Variants in SORCS2 observed in about 807,000 individuals in gnomAD.
The protein encoded by SORCS2 is VPS10 domain-containing receptor SorCS2.
Under a neutral mutation model 141.6 loss-of-function variants are expected in SORCS2, and 100 were observed. The ratio of observed to expected loss-of-function variants is 0.71; its 90% CI spans 0.60 to 0.83. The LOEUF (loss-of-function observed/expected upper bound fraction) is 0.83. SORCS2 is among the 40% of genes least tolerant of loss of function. SORCS2 has a pLI of 0.00. For synonymous variants in SORCS2, 789 were observed against 676.9 expected (o/e 1.17, Z -2.57); for missense variants, 1,646 against 1,560.2 (o/e 1.05, Z -0.93).
chr4:7,684,240 C>T (rs1418605384), intron 10 of SORCS2, among the ~76,000 whole-genome samples: 1 of 152,200 alleles, frequency 6.6e-6, no homozygotes, highest in African/African-American at 2.4e-5. Context: ...TTGGCTACAT[C>T]AACCAGTGCC....
intron 1 of SORCS2, among the ~76,000 whole-genome samples, chr4:7,371,996 A>G (rs914777342): frequency 3.9e-5 from 6 of 152,182 alleles, no homozygotes; most frequent in Admixed American, 6.5e-5. Flanking sequence ...GCAGCTGGGC[A>G]GAGTGGAGAG....
intron 1 of SORCS2, among the ~76,000 whole-genome samples, chr4:7,372,849 C>T (rs1380280285): frequency 2.0e-5 from 3 of 152,070 alleles, no homozygotes; most frequent in Non-Finnish European, 4.4e-5. Flanking sequence ...TGGCTGCTTT[C>T]ACTCCCGCAG....
intron 3 of SORCS2, among the ~76,000 whole-genome samples, chr4:7,552,415 C>G (rs762086535): frequency 7.2e-5 from 11 of 152,134 alleles, no homozygotes; most frequent in Non-Finnish European, 1.3e-4. Flanking sequence ...GGAGGGCTGC[C>G]CACACAGAGG....
intron 8 of SORCS2, among the ~76,000 whole-genome samples, chr4:7,672,187 C>A (rs889163673): frequency 4.6e-5 from 7 of 152,178 alleles, no homozygotes; most frequent in Non-Finnish European, 7.3e-5. Context: ...AAGTGATCCA[C>A]CTGCCTCAGC....
intron 2 of SORCS2, among the ~76,000 whole-genome samples, chr4:7,483,797 T>C (rs1577640419): frequency 1.3e-5 from 2 of 152,116 alleles, no homozygotes; most frequent in East Asian, 3.9e-4. Flanking sequence ...ACCTAATGAA[T>C]GCAGGGCTTA....
chr4:7,283,551 A>G (rs971800505), intron 1 of SORCS2, among the ~76,000 whole-genome samples: 10 of 152,156 alleles, frequency 6.6e-5, no homozygotes, highest in African/African-American at 2.4e-4. Context: ...CACTCCAGGA[A>G]CAGTGTTCCC....
chr4:7,428,869 A>G (rs1417811612), intron 2 of SORCS2, among the ~76,000 whole-genome samples: 5 of 152,082 alleles, frequency 3.3e-5, no homozygotes, highest in Non-Finnish European at 7.4e-5. Context: ...ATGAGACTAG[A>G]CAGGAGGGGG....
chr4:7,457,304 TG>T lies in SORCS2; in HGVS notation c.548+60950del, dbSNP rs1728976615. ...AGGTGACTTTATCCCTGAAAGGACA[TG>T]CAGCCAGGCCTGGAGGCAGAGGCCA... On this transcript the variant is annotated intron_variant, in intron 2 of 26. Transcript: ENST00000507866. Among the ~76,000 whole-genome samples, 10 of 152,348 alleles carry T rather than the reference TG, an allele frequency of 6.6e-5. No individual in the cohort carries two copies. In the South Asian group the frequency reaches 2.1e-3, roughly 32 times the overall value.
At chr4:7,560,319 G>A (rs933104678) in intron 3 of SORCS2, among the ~76,000 whole-genome samples, 18 of 152,152 alleles carry the variant, frequency 1.2e-4, no homozygotes, top group African/African-American at 3.1e-4. Flanking sequence ...GATGGAGGGC[G>A]AGGGATGAAT....
At chr4:7,636,478 C>T in intron 3 of SORCS2, among the ~76,000 whole-genome samples, 1 of 152,168 alleles carries the variant, frequency 6.6e-6, no homozygotes, top group East Asian at 1.9e-4. Flanking sequence ...TAACCTGGTT[C>T]AAATTCCATG....
chr4:7,571,307 C>A (rs1057066814), intron 3 of SORCS2, among the ~76,000 whole-genome samples: 4 of 152,148 alleles, frequency 2.6e-5, no homozygotes, highest in Non-Finnish European at 5.9e-5. Flanking sequence ...AGAAGCAGGA[C>A]CCCTGTGCCC....
chr4:7,241,998 C>T (rs922602302), intron 1 of SORCS2, among the ~76,000 whole-genome samples: 12 of 152,108 alleles, frequency 7.9e-5, no homozygotes, highest in East Asian at 3.9e-4. Context: ...TTGGGGGTAC[C>T]GGGCAGAGGC....
intron 4 of SORCS2, among the ~76,000 whole-genome samples, chr4:7,646,030 G>A (rs1004485376): frequency 6.6e-6 from 1 of 152,240 alleles, no homozygotes; most frequent in African/African-American, 2.4e-5. Flanking sequence ...AGAGTCAAAC[G>A]TGTTCATTCG....
intron 2 of SORCS2, among the ~76,000 whole-genome samples, chr4:7,478,575 C>T (rs547649583): frequency 4.6e-5 from 7 of 152,280 alleles, no homozygotes; most frequent in Middle Eastern, 3.4e-3. Context: ...CAGAGCCTGG[C>T]GCCTGGCAGC....
chr4:7,425,080 G>T (rs973847152), intron 2 of SORCS2, among the ~76,000 whole-genome samples: 1 of 152,204 alleles, frequency 6.6e-6, no homozygotes, highest in Admixed American at 6.5e-5. Context: ...GATTCCACAG[G>T]CTGCAGGGGT....
intron 12 of SORCS2, among the ~76,000 whole-genome samples, chr4:7,699,027 C>T (rs532342692): frequency 1.3e-5 from 2 of 152,276 alleles, no homozygotes; most frequent in South Asian, 2.1e-4. Context: ...ACTCAGAATA[C>T]GAATGTGGAA....
At chr4:7,339,395 C>T (rs1720231125) in intron 1 of SORCS2, among the ~76,000 whole-genome samples, 1 of 152,214 alleles carries the variant, frequency 6.6e-6, no homozygotes, top group Non-Finnish European at 1.5e-5. Context: ...TAACAAAGTA[C>T]CACGGGCAGT....
intron 1 of SORCS2, among the ~76,000 whole-genome samples, chr4:7,217,854 G>A (rs1728456933): frequency 6.6e-6 from 1 of 152,248 alleles, no homozygotes; most frequent in Non-Finnish European, 1.5e-5. Context: ...ATAGGGGCAA[G>A]GTTCTTGAAG....
At chr4:7,676,402 A>G (rs574588355) in intron 9 of SORCS2, among the ~76,000 whole-genome samples, 173 bp downstream of exon 9, 3 of 152,198 alleles carry the variant, frequency 2.0e-5, no homozygotes, top group African/African-American at 7.2e-5. Context: ...CCAAGAGGCT[A>G]TTATGTAGGT....
Sources: allele counts gnomAD v4.1 joint callset (sites outside exome capture counted in the v4.1 genomes callset), GRCh38; gene constraint gnomAD v4.1.1; transcripts MANE v1.5; gene names NCBI Gene and HGNC (gene_info 2026-07-23, HGNC 2026-07-21).